ACVR2A: variants seen among roughly 807,000 people sequenced by gnomAD.
ACVR2A encodes the protein activin receptor type-2A.
Under a neutral mutation model 61.4 loss-of-function variants are expected in ACVR2A, and 7 were observed. The ratio of observed to expected loss-of-function variants is 0.11; its 90% confidence interval spans 0.06 to 0.21. The LOEUF is 0.21. Among genes scored for constraint, ACVR2A ranks in the 10% least tolerant of loss-of-function variants. The pLI is 1.00. For synonymous variants in ACVR2A, 193 were observed against 208.3 expected, an observed-to-expected ratio of 0.93 and a Z score of 0.63; for missense variants, 322 against 621.7, an observed-to-expected ratio of 0.52 and a Z score of 5.13.
chr2:147,849,321 C>CGT (rs749178287), intron 1 of ACVR2A, among the ~76,000 whole-genome samples: 2 of 151,870 alleles, frequency 1.3e-5, no homozygotes. Context: ...TGGCGGTATT[C>CGT]GTGTGTGTGT....
intron 4 of ACVR2A, among the ~76,000 whole-genome samples, chr2:147,909,663 G>C (rs1040717788): frequency 3.9e-5 from 6 of 151,924 alleles, no homozygotes; most frequent in Non-Finnish European, 8.8e-5. Context: ...TTGGAGATGA[G>C]GTATCACTCT....
chr2:147,918,104 T>C (rs1045674729), intron 6 of ACVR2A, among the ~76,000 whole-genome samples: 2 of 151,750 alleles, frequency 1.3e-5, no homozygotes, highest in South Asian at 4.1e-4. Context: ...ATATAACAAC[T>C]CTATAGTCAG....
At chr2:147,924,103 T>G (rs1211296220) in intron 9 of ACVR2A, among the ~76,000 whole-genome samples, 1 of 152,048 alleles carries the variant, frequency 6.6e-6, no homozygotes, top group African/African-American at 2.4e-5. Flanking sequence ...GAAGCAATTT[T>G]GGAATAATTT....
At chr2:147,848,569 C>G (rs1685374075) in intron 1 of ACVR2A, among the ~76,000 whole-genome samples, 1 of 151,864 alleles carries the variant, frequency 6.6e-6, no homozygotes, top group Non-Finnish European at 1.5e-5. Flanking sequence ...TCTAAGAAAA[C>G]CAAATACCAC....
intron 10 of ACVR2A, 61 bp from the exon 11 acceptor site, chr2:147,927,019 T>A: frequency 2.0e-6 from 3 of 1,500,510 alleles, no homozygotes; most frequent in Non-Finnish European, 2.7e-6. Context: ...AAAATTTTAT[T>A]GTTTCCTAAT....
At chr2:147,881,338 T>A (rs1686293332) in intron 1 of ACVR2A, among the ~76,000 whole-genome samples, 1 of 152,186 alleles carries the variant, frequency 6.6e-6, no homozygotes, top group South Asian at 2.1e-4. Context: ...CAATTTGAAG[T>A]ATATTTCTTC....
intron 2 of ACVR2A, 108 bp downstream of exon 2, chr2:147,896,616 C>G (rs1400684869): frequency 1.9e-6 from 2 of 1,078,292 alleles, no homozygotes; most frequent in Non-Finnish European, 2.7e-6. Flanking sequence ...ATGTTTCTTG[C>G]TTTTTAAAAA....
rs1573692137 is a variant in ACVR2A at position 147,899,806 on chromosome 2, C to T, written c.436C>T (p.Pro146Ser). The change falls in exon 4 of 11, where the codon CCA (proline) becomes TCA (serine). Residue 146 changes from proline to serine, a missense_variant. By Grantham distance (74) the Pro-to-Ser change is moderately conservative (BLOSUM62 -1). Around this residue, in one of 3 missense-constraint regions of ACVR2A, gnomAD observed 142 missense variants for 200.3 expected, o/e 0.71. Transcript: ENST00000241416. The part of the protein sequence containing the change: ...YYNILLYSLV[P>S]LMLIAGIVIC... ...CAACATCCTGCTCTATTCCTTGGTG[C>T]CACTTATGTTAATTGCGGGGATTGT... 6.2e-7 allele frequency: 1 copy of T among 1,613,744 alleles called. No homozygotes were observed.
At position 147,881,625 on chromosome 2, in the gene ACVR2A, GTGTGTGTGTGTGTGTGTA is replaced by G. The variant is rs1304026177; in HGVS notation, c.56-14658_56-14641del. Among the ~76,000 whole-genome samples the G allele has an allele frequency of 2.1e-3, 244 of 119,004 alleles. 1 individual carries two copies. The highest frequency in any genetic ancestry group is 2.3e-3 in the Non-Finnish European group (125 of 55,318). 78.1% of individuals were successfully genotyped at this position (119,004 alleles called of 152,430 possible). ...TTAGTGTGTGTGTGTGTGTGTGTGT[GTGTGTGTGTGTGTGTGTA>G]TGTGTGTGTGTGTGTGTGGTTTTTT... On this transcript the variant is annotated intron_variant, in intron 1 of 10. Transcript: ENST00000241416.
chr2:147,855,929 C>T (rs1011191240), intron 1 of ACVR2A, among the ~76,000 whole-genome samples: 2 of 152,098 alleles, frequency 1.3e-5, no homozygotes, highest in Admixed American at 1.3e-4. Context: ...AGCTTACCAC[C>T]TCTTTATTGT....
At chr2:147,884,226 A>G (rs1686377415) in intron 1 of ACVR2A, among the ~76,000 whole-genome samples, 1 of 152,142 alleles carries the variant, frequency 6.6e-6, no homozygotes, top group South Asian at 2.1e-4. Context: ...AGCTGCAGTC[A>G]CCATTATCCC....
chr2:147,916,585 A>G (rs1300414210), intron 5 of ACVR2A, among the ~76,000 whole-genome samples: 1 of 151,876 alleles, frequency 6.6e-6, no homozygotes, highest in Non-Finnish European at 1.5e-5. Flanking sequence ...TTAGTGGGAG[A>G]GCCAGGATTT....
rs139501679 is a variant in ACVR2A at position 147,914,956 on chromosome 2, C to T, written c.529-235C>T. ...ATTTTAGATCTTCTCTCCTGTGGTA[C>T]ATATATAGCAATAATGCTGAACATT... On this transcript the variant is annotated intron_variant, in intron 4 of 10. Coordinates refer to ENST00000241416, the MANE Select transcript of ACVR2A (RefSeq NM_001616.5). Among the ~76,000 whole-genome samples, 618 of 151,936 alleles carry T rather than the reference C, an allele frequency of 4.1e-3. 4 individuals carry two copies. The highest frequency in any genetic ancestry group is 0.014 in the African/African-American group (592 of 41,458).
At chr2:147,866,640 G>A (rs935771676) in intron 1 of ACVR2A, among the ~76,000 whole-genome samples, 2 of 152,170 alleles carry the variant, frequency 1.3e-5, no homozygotes, top group African/African-American at 2.4e-5. Context: ...GTGGGTAGGG[G>A]TCAGGTTATG....
chr2:147,865,958 A>G (rs773701432), intron 1 of ACVR2A, among the ~76,000 whole-genome samples: 23 of 152,102 alleles, frequency 1.5e-4, no homozygotes, highest in Non-Finnish European at 2.4e-4. Context: ...TTCACCAGGT[A>G]AATAGAGAGG....
At chr2:147,861,902 C>T (rs569250046) in intron 1 of ACVR2A, among the ~76,000 whole-genome samples, 7 of 145,104 alleles carry the variant, frequency 4.8e-5, no homozygotes, top group South Asian at 2.2e-4. Context: ...GGGTAGTTTC[C>T]GTGTTTTATA....
At chr2:147,901,745 A>T (rs1011384758) in intron 4 of ACVR2A, among the ~76,000 whole-genome samples, 3 of 152,020 alleles carry the variant, frequency 2.0e-5, no homozygotes, top group African/African-American at 7.2e-5. Flanking sequence ...AAAATACAAG[A>T]CAGGCCTGAC....
At chr2:147,847,503 A>AT (rs896149366) in intron 1 of ACVR2A, among the ~76,000 whole-genome samples, 7 of 152,020 alleles carry the variant, frequency 4.6e-5, no homozygotes, top group Admixed American at 6.5e-5. Flanking sequence ...TAGATATTTG[A>AT]TTTTTTTTAA....
chr2:147,858,929 T>C (rs771405915), intron 1 of ACVR2A, among the ~76,000 whole-genome samples: 2 of 152,144 alleles, frequency 1.3e-5, no homozygotes, highest in Non-Finnish European at 2.9e-5. Context: ...TAAAAACCAT[T>C]GTTCAGGGGC....
Sources: allele counts gnomAD v4.1 joint callset (sites outside exome capture counted in the v4.1 genomes callset), GRCh38; gene constraint gnomAD v4.1.1; regional missense constraint gnomAD v4.1.1; transcripts MANE v1.5; gene names NCBI Gene and HGNC (gene_info 2026-07-23, HGNC 2026-07-21).